The following EXT1 variants were observed in gnomAD, a reference collection of about 807,000 sequenced individuals.
The protein encoded by EXT1 is exostosin glycosyltransferase 1, also known as exostosin-1.
A neutral mutation model predicts 82.5 loss-of-function variants in EXT1; 20 were observed. The observed-to-expected ratio is 0.24, with a 90% CI of 0.17 to 0.35. The LOEUF is 0.35. EXT1 is among the 10% of genes least tolerant of loss of function. The pLI, the probability that EXT1 is intolerant of heterozygous loss-of-function variation, is 1.00. For synonymous variants in EXT1, 348 were observed against 350.8 expected (o/e 0.99, Z 0.09); for missense variants, 757 against 936.5 (o/e 0.81, Z 2.50).
chr8:117,953,464 T>C (rs1814529542), intron 1 of EXT1, among the ~76,000 whole-genome samples: 1 of 151,448 alleles, frequency 6.6e-6, no homozygotes, highest in Non-Finnish European at 1.5e-5. Flanking sequence ...TCAAGTACTC[T>C]CTCAGCTACT....
intron 1 of EXT1, among the ~76,000 whole-genome samples, chr8:117,879,132 C>G (rs536232140): frequency 1.8e-4 from 28 of 152,320 alleles, no homozygotes; most frequent in African/African-American, 6.5e-4. Context: ...CAGGCAGCAA[C>G]AGCAAACAAA....
intron 1 of EXT1, among the ~76,000 whole-genome samples, chr8:117,992,730 G>C (rs1007042415): frequency 2.6e-5 from 4 of 152,166 alleles, no homozygotes; most frequent in Non-Finnish European, 5.9e-5. Context: ...CACTCAAAGG[G>C]AGGCAGTGGA....
intron 1 of EXT1, among the ~76,000 whole-genome samples, chr8:117,945,335 C>A (rs1159443562): frequency 6.6e-6 from 1 of 151,986 alleles, no homozygotes; most frequent in Admixed American, 6.6e-5. Context: ...TCATCAGGAC[C>A]CCTCTCTGAG....
intron 1 of EXT1, among the ~76,000 whole-genome samples, chr8:118,045,791 C>CTT (rs144284583): frequency 3.4e-5 from 5 of 148,460 alleles, no homozygotes; most frequent in African/African-American, 1.2e-4. Context: ...GACTGGATGT[C>CTT]TTTTTTTTTT....
intron 1 of EXT1, among the ~76,000 whole-genome samples, chr8:117,972,087 T>C (rs1056075234): frequency 3.3e-5 from 5 of 150,952 alleles, no homozygotes; most frequent in African/African-American, 1.2e-4. Flanking sequence ...GAGGCTGAGG[T>C]TGCGGTGAGC....
chr8:117,891,996 G>A (rs1384359246), intron 1 of EXT1, among the ~76,000 whole-genome samples: 6 of 151,852 alleles, frequency 4.0e-5, no homozygotes, highest in Non-Finnish European at 5.9e-5. Flanking sequence ...TAGTAGAGGC[G>A]GGGTTTCACC....
intron 1 of EXT1, among the ~76,000 whole-genome samples, chr8:118,037,404 G>T (rs1563636372): frequency 6.7e-6 from 1 of 149,308 alleles, no homozygotes; most frequent in Non-Finnish European, 1.5e-5. Flanking sequence ...TTGAGACACG[G>T]TCCTGCTCTG....
At chr8:117,898,211 T>C (rs1813378849) in intron 1 of EXT1, among the ~76,000 whole-genome samples, 1 of 152,182 alleles carries the variant, frequency 6.6e-6, no homozygotes, top group Non-Finnish European at 1.5e-5. Flanking sequence ...AAATTAGCCA[T>C]ATACATTCTG....
chr8:117,918,598 C>T (rs906941743), intron 1 of EXT1, among the ~76,000 whole-genome samples: 1 of 152,204 alleles, frequency 6.6e-6, no homozygotes, highest in African/African-American at 2.4e-5. Context: ...CCATAAGTGG[C>T]CTGAAACTTC....
chr8:117,998,006 T>A (rs1440505224), intron 1 of EXT1, among the ~76,000 whole-genome samples: 1 of 136,612 alleles, frequency 7.3e-6, no homozygotes, highest in Non-Finnish European at 1.5e-5. Context: ...AATTCTGCAT[T>A]TTATTTTACT....
At chr8:117,986,900 A>G (rs926362604) in intron 1 of EXT1, among the ~76,000 whole-genome samples, 5 of 152,230 alleles carry the variant, frequency 3.3e-5, no homozygotes, top group Non-Finnish European at 7.3e-5. Flanking sequence ...TAGGCTTTGC[A>G]TTTTCAATGT....
chr8:118,087,258 C>T (rs1817438069), intron 1 of EXT1, among the ~76,000 whole-genome samples: 1 of 152,114 alleles, frequency 6.6e-6, no homozygotes, highest in African/African-American at 2.4e-5. Flanking sequence ...TTCCTCTATT[C>T]CTAGAAAGGA....
rs1292839443 is a variant in EXT1 at position 117,794,791 on chromosome 8, ACT to A, written c.*4919_*4920del. On this transcript the variant is annotated 3_prime_UTR_variant, in exon 11 of 11. Transcript: ENST00000378204. ...AAAAACATTGGCAACATATTAGAAAACTCTGTCCCAAGTGTACATCGTATACA... is the reference window on the plus strand; with the variant it reads ...AAAAACATTGGCAACATATTAGAAAACTGTCCCAAGTGTACATCGTATACA... 6.6e-6 allele frequency: 1 copy of A among 151,892 alleles called. No homozygotes were observed. The highest frequency in any genetic ancestry group is 1.9e-4 in the East Asian group (1 of 5,172). The allele number at this position is 151,892 out of a possible 1,614,324, so 9.4% of individuals were successfully genotyped here.
At chr8:118,041,316 A>G (rs1412220609) in intron 1 of EXT1, among the ~76,000 whole-genome samples, 1 of 152,168 alleles carries the variant, frequency 6.6e-6, no homozygotes, top group Non-Finnish European at 1.5e-5. Flanking sequence ...ACTCCCATAT[A>G]CAACCAGTAT....
chr8:117,800,053 A>G lies in EXT1; in HGVS notation c.2056-156T>C, dbSNP rs181251717. Among the ~76,000 whole-genome samples, 141 of 152,300 alleles carry G rather than the reference A, an allele frequency of 9.3e-4. 1 individual carries two copies. Among genetic ancestry groups the G allele is most frequent in the African/African-American group, 3.2e-3 (134 of 41,586 alleles). ...CCATCTATGCACCTGCTGAAAATGC[A>G]ATCGCTGATATTGGTTTTTCCCAAG... On this transcript the variant is annotated intron_variant, in intron 10 of 10. Coordinates refer to ENST00000378204, the MANE Select transcript of EXT1 (RefSeq NM_000127.3).
At chr8:117,929,895 G>A (rs1474756661) in intron 1 of EXT1, among the ~76,000 whole-genome samples, 1 of 152,164 alleles carries the variant, frequency 6.6e-6, no homozygotes, top group Non-Finnish European at 1.5e-5. Context: ...ATCACCTGAG[G>A]TAAGGAGTTT....
chr8:117,873,447 C>CTGTT (rs1470618787), intron 1 of EXT1, among the ~76,000 whole-genome samples: 1 of 99,674 alleles, frequency 1.0e-5, no homozygotes, highest in African/African-American at 4.1e-5. Context: ...TGTCCTGTGA[C>CTGTT]TTTTTTTTTT....
At chr8:117,869,724 ATT>A (rs1396344074) in intron 1 of EXT1, among the ~76,000 whole-genome samples, 1 of 152,190 alleles carries the variant, frequency 6.6e-6, no homozygotes, top group African/African-American at 2.4e-5. Context: ...ATTAAGCTAC[ATT>A]TTAATGGATT....
At chr8:118,105,834 T>C (rs1388077379) in intron 1 of EXT1, among the ~76,000 whole-genome samples, 1 of 152,202 alleles carries the variant, frequency 6.6e-6, no homozygotes. Flanking sequence ...GCTCAAGGTG[T>C]CTGTTAATAC....
Sources: gnomAD v4.1 joint callset for allele counts (sites outside exome capture counted in the v4.1 genomes callset) on GRCh38, gnomAD v4.1.1 for gene constraint, MANE v1.5 for transcripts, NCBI Gene and HGNC (gene_info 2026-07-23, HGNC 2026-07-21) for gene names.